PHACTR1: variants seen among roughly 807,000 people sequenced by gnomAD.
PHACTR1 encodes RPEL repeat containing 1.
PHACTR1 carries 16 observed loss-of-function variants against 69.2 expected under a neutral mutation model. That is an observed-to-expected ratio of 0.23 (90% CI 0.16 to 0.35). The LOEUF is 0.35. Ranked by LOEUF, PHACTR1 falls within the 10% of genes least tolerant of loss-of-function variation. The probability of loss-of-function intolerance (pLI) is 1.00; values close to 1 mark genes in which losing one functional copy is unlikely to be tolerated. For synonymous variants in PHACTR1, 312 were observed against 284.5 expected (o/e 1.10, Z -0.97); for missense variants, 510 against 734.7 (o/e 0.69, Z 3.54).
At chr6:12,989,756 A>C (rs1485732460) in intron 4 of PHACTR1, among the ~76,000 whole-genome samples, 1 of 152,216 alleles carries the variant, frequency 6.6e-6, no homozygotes, top group Non-Finnish European at 1.5e-5. Flanking sequence ...AGTCACTTAG[A>C]TCAAAGAAGC....
chr6:12,977,492 C>T (rs1019121813), intron 4 of PHACTR1, among the ~76,000 whole-genome samples: 1 of 152,176 alleles, frequency 6.6e-6, no homozygotes, highest in Non-Finnish European at 1.5e-5. Context: ...AATAGCTTCA[C>T]ACACTCTCTC....
intron 4 of PHACTR1, among the ~76,000 whole-genome samples, chr6:12,972,358 AT>A (rs1794317049): frequency 6.6e-6 from 1 of 152,178 alleles, no homozygotes; most frequent in African/African-American, 2.4e-5. Flanking sequence ...CCCAGCATTA[AT>A]TCCTACACAT....
At chr6:13,022,680 A>C (rs1232098127) in intron 4 of PHACTR1, among the ~76,000 whole-genome samples, 1 of 151,678 alleles carries the variant, frequency 6.6e-6, no homozygotes, top group East Asian at 1.9e-4. Context: ...AAAAAAAAAA[A>C]ACTTTGCCAA....
At chr6:13,169,490 A>AC (rs1760286393) in intron 6 of PHACTR1, among the ~76,000 whole-genome samples, 1 of 152,106 alleles carries the variant, frequency 6.6e-6, no homozygotes, top group Non-Finnish European at 1.5e-5. Context: ...ACTCCATGGA[A>AC]CCCCAACATT....
At chr6:13,139,302 C>T (rs141913507) in intron 5 of PHACTR1, among the ~76,000 whole-genome samples, 45 of 152,264 alleles carry the variant, frequency 3.0e-4, no homozygotes, top group Non-Finnish European at 3.4e-4. Flanking sequence ...CACATACATC[C>T]ATTTGCATAC....
At position 13,205,997 on chromosome 6, in the gene PHACTR1, A is replaced by T; in HGVS notation, c.847A>T (p.Ile283Phe). The change falls in exon 8 of 15, where the codon ATC (isoleucine) becomes TTC (phenylalanine). Residue 283 changes from isoleucine (I) to phenylalanine (F), a missense_variant. By Grantham distance (21) the Ile-to-Phe change is conservative. Around this residue, in one of 2 missense-constraint regions of PHACTR1, gnomAD observed 419 missense variants for 530.9 expected, o/e 0.79. Coordinates refer to ENST00000332995, the MANE Select transcript of PHACTR1 (RefSeq NM_030948.6). ...CCACCACACTGTCCTGCCCTCCCAG[A>T]TCCAGCACCAGCTGCAGTACGGCAG... The part of the protein sequence containing the change: ...QHHHTVLPSQ[I>F]QHQLQYGSHG... The T allele has an allele frequency of 6.2e-7, 1 of 1,613,974 alleles. No homozygotes were observed. The highest frequency in any genetic ancestry group is 8.5e-7 in the Non-Finnish European group (1 of 1,179,882).
chr6:12,925,354 T>A (rs1788156904), intron 4 of PHACTR1, among the ~76,000 whole-genome samples: 1 of 152,218 alleles, frequency 6.6e-6, no homozygotes, highest in Non-Finnish European at 1.5e-5. Flanking sequence ...CAGCAAGTCT[T>A]AATATTTTGG....
chr6:13,119,122 T>A (rs1022899037), intron 5 of PHACTR1, among the ~76,000 whole-genome samples: 5 of 152,208 alleles, frequency 3.3e-5, no homozygotes, highest in African/African-American at 9.7e-5. Flanking sequence ...ATAGTTTTTT[T>A]AAACTTCATT....
At chr6:12,959,944 G>T (rs887902130) in intron 4 of PHACTR1, among the ~76,000 whole-genome samples, 4 of 152,214 alleles carry the variant, frequency 2.6e-5, no homozygotes, top group African/African-American at 9.6e-5. Flanking sequence ...TGGATGCCAG[G>T]TTTTGTTCAT....
At chr6:12,889,012 C>T (rs373152846) in intron 4 of PHACTR1, among the ~76,000 whole-genome samples, 3 of 152,172 alleles carry the variant, frequency 2.0e-5, no homozygotes, top group African/African-American at 7.2e-5. Flanking sequence ...GTGGCTCACA[C>T]CTGTAATCCT....
intron 4 of PHACTR1, chr6:12,934,124 C>A: frequency 1.3e-6 from 1 of 755,214 alleles, no homozygotes; most frequent in Non-Finnish European, 2.0e-6. Context: ...CTTCTGGCAG[C>A]AGTTGGCAAT....
intron 10 of PHACTR1, among the ~76,000 whole-genome samples, chr6:13,258,320 AC>A (rs1336738314): frequency 6.6e-6 from 1 of 150,640 alleles, no homozygotes; most frequent in African/African-American, 2.4e-5. Context: ...GCGCCACTGC[AC>A]TCCAGCCTCG....
chr6:12,864,548 T>G (rs925804413), intron 4 of PHACTR1, among the ~76,000 whole-genome samples: 1 of 151,922 alleles, frequency 6.6e-6, no homozygotes, highest in Non-Finnish European at 1.5e-5. Context: ...GTCATGGTGG[T>G]GGGCACCTGT....
At chr6:12,742,848 C>T (rs1765226242) in intron 3 of PHACTR1, among the ~76,000 whole-genome samples, 1 of 152,034 alleles carries the variant, frequency 6.6e-6, no homozygotes, top group Admixed American at 6.6e-5. Context: ...TCAGATCTGG[C>T]AAAAGATGAT....
At chr6:12,793,043 A>G (rs1772533744) in intron 4 of PHACTR1, among the ~76,000 whole-genome samples, 1 of 152,140 alleles carries the variant, frequency 6.6e-6, no homozygotes, top group Non-Finnish European at 1.5e-5. Flanking sequence ...CCCCCTAAAG[A>G]CATGATCAAC....
Position 13,228,044 on chromosome 6 carries a change from C to T in PHACTR1, c.1215C>T (p.Asp405=), listed in dbSNP as rs774700729. Reference sequence around the variant, plus strand: ...AGGAAGAGGAGGAGGACGAAGACGACGACAGCTCATTATACACCAGTGCGT... The same window carrying T: ...AGGAAGAGGAGGAGGACGAAGACGATGACAGCTCATTATACACCAGTGCGT... ...EEEEEEEDED[D]DSSLYTSSLA... The change falls in exon 9 of 15, where the codon GAC becomes GAT. Residue 405 remains aspartate, a synonymous_variant. Coordinates refer to ENST00000332995, the MANE Select transcript of PHACTR1 (RefSeq NM_030948.6). 8.1e-5 allele frequency: 131 copies of T among 1,612,830 alleles called. No homozygotes were observed. The highest frequency in any genetic ancestry group is 1.1e-4 in the East Asian group (5 of 44,878).
At chr6:12,718,617 T>A (rs1761695967) in intron 2 of PHACTR1, 82 bp from the exon 3 acceptor site, 1 of 415,740 alleles carries the variant, frequency 2.4e-6, no homozygotes, top group East Asian at 3.6e-5. Context: ...GATATTCTTA[T>A]TCAAACATTT....
intron 8 of PHACTR1, among the ~76,000 whole-genome samples, chr6:13,211,879 C>T (rs912118205): frequency 5.3e-5 from 8 of 152,200 alleles, no homozygotes; most frequent in East Asian, 3.8e-4. Flanking sequence ...AAAGTCAGAT[C>T]GTGACTGTCT....
intron 4 of PHACTR1, among the ~76,000 whole-genome samples, chr6:12,963,517 A>C (rs1793030639): frequency 6.6e-6 from 1 of 152,128 alleles, no homozygotes; most frequent in Non-Finnish European, 1.5e-5. Context: ...ACAAAGGAGC[A>C]CACATTTAGT....
Sources: allele counts gnomAD v4.1 joint callset (sites outside exome capture counted in the v4.1 genomes callset), GRCh38; gene constraint gnomAD v4.1.1; regional missense constraint gnomAD v4.1.1; transcripts MANE v1.5; gene names NCBI Gene and HGNC (gene_info 2026-07-23, HGNC 2026-07-21).